ANGPT1: variants seen among roughly 807,000 people sequenced by gnomAD.
The protein encoded by ANGPT1 is angiopoietin-1.
ANGPT1 carries 17 observed loss-of-function variants against 62.2 expected under a neutral mutation model. The ratio of observed to expected loss-of-function variants is 0.27; its 90% CI spans 0.19 to 0.41. The LOEUF (loss-of-function observed/expected upper bound fraction) is 0.41, where lower values mean the gene tolerates loss of function less well. Ranked by LOEUF, ANGPT1 falls within the 10% of genes least tolerant of loss-of-function variation. ANGPT1 has a pLI of 1.00. For missense variants in ANGPT1, 478 were observed against 594.9 expected (o/e 0.80, Z 2.04); for synonymous variants, 199 against 198.9 (o/e 1.00, Z 0.00).
At chr8:107,349,049 C>T (rs1815872843) in intron 1 of ANGPT1, among the ~76,000 whole-genome samples, 3 of 151,944 alleles carry the variant, frequency 2.0e-5, no homozygotes, top group South Asian at 2.1e-4. Context: ...ACAGTTGATG[C>T]CCGATTTTGC....
chr8:107,336,880 G>A (rs1054526610), intron 2 of ANGPT1, among the ~76,000 whole-genome samples: 1 of 152,016 alleles, frequency 6.6e-6, no homozygotes, highest in African/African-American at 2.4e-5. Context: ...GTGCACGTTA[G>A]TATTAAGTAC....
intron 1 of ANGPT1, among the ~76,000 whole-genome samples, chr8:107,421,944 G>A (rs1400338176): frequency 6.6e-6 from 1 of 151,976 alleles, no homozygotes; most frequent in Non-Finnish European, 1.5e-5. Context: ...TCTATTCATT[G>A]TTTGTGTTCC....
chr8:107,262,967 T>C (rs943945688), intron 8 of ANGPT1, among the ~76,000 whole-genome samples: 1 of 152,210 alleles, frequency 6.6e-6, no homozygotes, highest in Non-Finnish European at 1.5e-5. Context: ...AAATCTACTA[T>C]TTGTTAAATA....
chr8:107,489,360 T>C (rs1812897301), intron 1 of ANGPT1, among the ~76,000 whole-genome samples: 2 of 152,200 alleles, frequency 1.3e-5, no homozygotes, highest in Admixed American at 1.3e-4. Context: ...CATTCCTAGA[T>C]AGACCTCTAA....
intron 1 of ANGPT1, among the ~76,000 whole-genome samples, chr8:107,454,299 G>A (rs2130461604): frequency 6.6e-6 from 1 of 151,890 alleles, no homozygotes; most frequent in South Asian, 2.1e-4. Context: ...GGTGACTTGT[G>A]ATGTTATCAG....
At chr8:107,399,588 C>T (rs1195911863) in intron 1 of ANGPT1, among the ~76,000 whole-genome samples, 6 of 152,104 alleles carry the variant, frequency 3.9e-5, no homozygotes, top group African/African-American at 1.4e-4. Context: ...AAAGGCCTTT[C>T]AAGATCCTTT....
At chr8:107,260,030 T>C (rs1428195836) in intron 8 of ANGPT1, among the ~76,000 whole-genome samples, 1 of 152,168 alleles carries the variant, frequency 6.6e-6, no homozygotes, top group African/African-American at 2.4e-5. Context: ...TTAATGAAAC[T>C]TATGCTCTAG....
At chr8:107,395,324 T>C (rs1816914301) in intron 1 of ANGPT1, among the ~76,000 whole-genome samples, 1 of 152,224 alleles carries the variant, frequency 6.6e-6, no homozygotes, top group Non-Finnish European at 1.5e-5. Flanking sequence ...GTATAGACTA[T>C]GTAAGGATCA....
chr8:107,305,521 A>C (rs561127629), intron 4 of ANGPT1, among the ~76,000 whole-genome samples: 2 of 152,088 alleles, frequency 1.3e-5, no homozygotes, highest in East Asian at 3.9e-4. Flanking sequence ...TTAGTAACCG[A>C]GAAAAAAGGA....
At chr8:107,362,739 A>G (rs1816191546) in intron 1 of ANGPT1, among the ~76,000 whole-genome samples, 1 of 152,184 alleles carries the variant, frequency 6.6e-6, no homozygotes, top group Non-Finnish European at 1.5e-5. Context: ...GAAAACCACC[A>G]TTATAGAAAA....
chr8:107,471,087 C>T (rs927058679), intron 1 of ANGPT1, among the ~76,000 whole-genome samples: 3 of 152,120 alleles, frequency 2.0e-5, no homozygotes, highest in African/African-American at 7.2e-5. Context: ...TATAAAGACA[C>T]ATGCCCACGT....
chr8:107,381,652 G>T (rs1402948499), intron 1 of ANGPT1, among the ~76,000 whole-genome samples: 4 of 152,110 alleles, frequency 2.6e-5, no homozygotes, highest in Non-Finnish European at 4.4e-5. Flanking sequence ...AATGGGTCAA[G>T]GATCTTTCAA....
In ANGPT1 at chr8:107,250,285, G is replaced by C. The variant is rs1018583324; in HGVS notation, c.*1570C>G. 6.6e-6 allele frequency: 1 copy of C among 152,096 alleles called. No individual in the cohort carries two copies. The highest frequency in any genetic ancestry group is 1.5e-5 in the Non-Finnish European group (1 of 67,992). 9.4% of individuals were successfully genotyped at this position (152,096 alleles called of 1,614,324 possible). On this transcript the variant is annotated 3_prime_UTR_variant, in exon 9 of 9. Coordinates refer to ENST00000517746, the MANE Select transcript of ANGPT1 (RefSeq NM_001146.5). ...ACCTTGGACACTTACAGGCAGAGAA[G>C]ACTTCTTGATAAAATAATGCAGTAA...
intron 1 of ANGPT1, among the ~76,000 whole-genome samples, chr8:107,435,806 T>A (rs1384579017): frequency 6.6e-6 from 1 of 152,254 alleles, no homozygotes. Context: ...GTAAGCATAC[T>A]GTAATTTCTG....
chr8:107,354,041 C>T (rs1302090179), intron 1 of ANGPT1, among the ~76,000 whole-genome samples: 1 of 152,040 alleles, frequency 6.6e-6, no homozygotes, highest in Non-Finnish European at 1.5e-5. Flanking sequence ...CCTGCCATTG[C>T]TTTTTTTGGT....
chr8:107,375,760 T>G (rs1328656025), intron 1 of ANGPT1, among the ~76,000 whole-genome samples: 2 of 152,114 alleles, frequency 1.3e-5, no homozygotes, highest in Non-Finnish European at 2.9e-5. Context: ...GACTTGGACC[T>G]CACTGCTCAG....
At chr8:107,451,346 C>T (rs926359063) in intron 1 of ANGPT1, among the ~76,000 whole-genome samples, 1 of 150,056 alleles carries the variant, frequency 6.7e-6, no homozygotes, top group Non-Finnish European at 1.5e-5. Context: ...CACACGTGTA[C>T]GTGCACATTT....
chr8:107,355,944 T>G (rs2130188016), intron 1 of ANGPT1, among the ~76,000 whole-genome samples: 1 of 152,294 alleles, frequency 6.6e-6, no homozygotes, highest in Admixed American at 6.5e-5. Context: ...TACCACTTCC[T>G]TTCACTGCCT....
intron 1 of ANGPT1, among the ~76,000 whole-genome samples, chr8:107,414,709 C>G (rs916114138): frequency 2.6e-5 from 4 of 152,170 alleles, no homozygotes; most frequent in African/African-American, 9.6e-5. Flanking sequence ...CCTAGTATAG[C>G]ACTTCCCACT....
Sources: gnomAD v4.1 joint callset for allele counts (sites outside exome capture counted in the v4.1 genomes callset) on GRCh38, gnomAD v4.1.1 for gene constraint, MANE v1.5 for transcripts, NCBI Gene and HGNC (gene_info 2026-07-23, HGNC 2026-07-21) for gene names.